Variants in SMC4 observed in about 807,000 individuals in gnomAD.
SMC4 encodes structural maintenance of chromosomes 4.
SMC4 carries 87 observed loss-of-function variants against 145.6 expected under a neutral mutation model. The observed-to-expected ratio is 0.60, with a 90% CI of 0.50 to 0.71. The LOEUF (loss-of-function observed/expected upper bound fraction) is 0.71, where lower values mean the gene tolerates loss of function less well. Among genes scored for constraint, SMC4 ranks in the 30% least tolerant of loss-of-function variants. The pLI is 0.00. For synonymous variants in SMC4, 558 were observed against 500.7 expected, an observed-to-expected ratio of 1.11 and a Z score of -1.53; for missense variants, 1,447 against 1,537.1, an observed-to-expected ratio of 0.94 and a Z score of 0.98.
At chr3:160,400,434 T>G (rs939199430) in intron 1 of SMC4, 1 of 158,274 alleles carries the variant, frequency 6.3e-6, no homozygotes, top group Non-Finnish European at 1.4e-5. Context: ...CTTGCATCCC[T>G]GGCCCCGAAA....
At chr3:160,433,578 C>T in intron 23 of SMC4, 79 bp from the exon 24 acceptor site, 3 of 843,368 alleles carry the variant, frequency 3.6e-6, no homozygotes, top group East Asian at 2.6e-5. Context: ...GTTTATTGTC[C>T]AAAAAATATT....
intron 12 of SMC4, among the ~76,000 whole-genome samples, chr3:160,420,399 T>C (rs1034886169): frequency 6.6e-6 from 1 of 152,236 alleles, no homozygotes; most frequent in Admixed American, 6.5e-5. Flanking sequence ...AGTTGTGTAA[T>C]AGATAAACAG....
At position 160,426,169 on chromosome 3, in the gene SMC4, G is replaced by A. The variant is rs1290112194; in HGVS notation, c.2574G>A (p.Leu858=). Residue 858 remains leucine (L), a synonymous_variant, in exon 17 of 24, where the codon TTG becomes TTA. Coordinates refer to ENST00000357388, the MANE Select transcript of SMC4 (RefSeq NM_001002800.3). ...ATAPDKKKQK[L]LEENVSAFKT... is the part of the protein sequence containing the mutation. The stretch of plus-strand genomic sequence containing the variant: ...CCCCTGACAAAAAAAAGCAGAAATT[G>A]CTAGAAGAAAACGTTAGTGCTTTCA... 6.2e-7 allele frequency: 1 copy of A among 1,609,860 alleles called. No individual in the cohort carries two copies.
In SMC4 at chr3:160,433,851, T is replaced by A; in HGVS notation, c.*42T>A. 1 of 1,491,832 alleles carries A rather than the reference T, an allele frequency of 6.7e-7. No homozygotes were observed. The highest frequency in any genetic ancestry group is 9.1e-7 in the Non-Finnish European group (1 of 1,093,042). 92.4% of individuals were successfully genotyped at this position (1,491,832 alleles called of 1,614,324 possible). A position where few individuals can be genotyped will look rare whatever the true frequency, so the allele number is the denominator to read the frequency against. On this transcript the variant is annotated 3_prime_UTR_variant, in exon 24 of 24. Coordinates refer to ENST00000357388, the MANE Select transcript of SMC4 (RefSeq NM_001002800.3). ...TCTTCAAGTTGATTCAGTGTATTACTGATTTTTTTCTATTTGTAAAGGATT... is the reference window on the plus strand; with the variant it reads ...TCTTCAAGTTGATTCAGTGTATTACAGATTTTTTTCTATTTGTAAAGGATT...
intron 10 of SMC4, 69 bp from the exon 11 acceptor site, chr3:160,417,654 A>G: frequency 8.6e-7 from 1 of 1,164,162 alleles, no homozygotes; most frequent in African/African-American, 1.5e-5. Context: ...TATAAAATGT[A>G]TGGTTTCATT....
chr3:160,411,658 G>T (rs187372962), intron 5 of SMC4: 7 of 259,516 alleles, frequency 2.7e-5, no homozygotes, highest in African/African-American at 1.5e-4. Context: ...GTGTAAGTGG[G>T]TGTATATTAC....
At chr3:160,430,570 A>G in intron 18 of SMC4, 29 bp from the exon 19 acceptor site, 1 of 1,524,998 alleles carries the variant, frequency 6.6e-7, no homozygotes. Flanking sequence ...ACCTTACCAC[A>G]TTTTTGATGC....
At chr3:160,426,613 AT>A (rs199883937) in intron 17 of SMC4, among the ~76,000 whole-genome samples, 6 of 151,816 alleles carry the variant, frequency 4.0e-5, no homozygotes, top group East Asian at 4.0e-4. Context: ...ATATATATGT[AT>A]TTTTTTTCTT....
Position 160,402,028 on chromosome 3 carries a change from A to G in SMC4, c.253A>G (p.Thr85Ala). The G allele has an allele frequency of 6.3e-7, 1 of 1,596,602 alleles. No individual in the cohort carries two copies. The highest frequency in any genetic ancestry group is 8.5e-7 in the Non-Finnish European group (1 of 1,173,262). Residue 85 changes from threonine to alanine, a missense_variant, in exon 3 of 24, where the codon ACT becomes GCT. Physicochemically the swap from Thr to Ala is moderately conservative, Grantham distance 58 (BLOSUM62 0). Transcript: ENST00000357388. ...AGCTGGAGCTCCTCGGCTTATGATA[A>G]CTCATATTGTAAACCAGAACTTCAA... ...NEAGAPRLMI[T>A]HIVNQNFKSY...
chr3:160,424,096 TTACA>T (rs1441852899), intron 15 of SMC4, among the ~76,000 whole-genome samples: 1 of 151,544 alleles, frequency 6.6e-6, no homozygotes, highest in Non-Finnish European at 1.5e-5. Context: ...ATTCCATAAC[TTACA>T]TAATTATTTC....
chr3:160,403,054 A>G (rs571666143), intron 4 of SMC4, among the ~76,000 whole-genome samples, 187 bp downstream of exon 4: 1 of 152,262 alleles, frequency 6.6e-6, no homozygotes, highest in Non-Finnish European at 1.5e-5. Flanking sequence ...TTTTTTAGCT[A>G]AAGAAATGAA....
intron 20 of SMC4, 69 bp from the exon 21 acceptor site, chr3:160,431,570 ATATT>A: frequency 8.6e-7 from 1 of 1,161,366 alleles, no homozygotes; most frequent in Non-Finnish European, 1.2e-6. Flanking sequence ...GTAATTTGTC[ATATT>A]TTTTTTTAAA....
At chr3:160,417,539 TG>T in intron 10 of SMC4, 183 bp from the exon 11 acceptor site, 1 of 588,898 alleles carries the variant, frequency 1.7e-6, no homozygotes. Flanking sequence ...GAAAAGACTA[TG>T]TACAGTGAAT....
At chr3:160,402,538 G>C (rs1046886696) in intron 3 of SMC4, 138 bp from the exon 4 acceptor site, 1 of 797,458 alleles carries the variant, frequency 1.3e-6, no homozygotes, top group African/African-American at 1.8e-5. Flanking sequence ...TCGTATGCCT[G>C]TGATTAGCAA....
chr3:160,401,080 G>C (rs897292474), intron 2 of SMC4, 115 bp downstream of exon 2: 18 of 1,278,658 alleles, frequency 1.4e-5, no homozygotes, highest in East Asian at 9.5e-5. Flanking sequence ...TGAAGGTCCG[G>C]TGTCGGTCCG....
intron 1 of SMC4, chr3:160,400,264 G>C (rs1714392160): frequency 6.6e-6 from 1 of 152,386 alleles, no homozygotes; most frequent in African/African-American, 2.4e-5. Context: ...AGAGGAGGGA[G>C]ACTTCGTTAT....
rs1042960920 is a variant in SMC4 at position 160,425,583 on chromosome 3, C to T, written c.2479-491C>T. The stretch of plus-strand genomic sequence containing the variant: ...TACTTTGTTTTTAATTGCTTTAGAG[C>T]ATTTTGTTTATAACATAATTTGACA... On this transcript the variant is annotated intron_variant, in intron 16 of 23. Coordinates refer to ENST00000357388, the MANE Select transcript of SMC4 (RefSeq NM_001002800.3). 2.6e-5 allele frequency among the ~76,000 whole-genome samples: 4 copies of T among 151,994 alleles called. No homozygotes were observed. In the East Asian group the frequency reaches 7.7e-4, roughly 29 times the overall value.
rs1332520672 is a variant in SMC4, at chr3:160,429,905, CAG to C, written c.2796-693_2796-692del. ...CTAATTTTTGTATTTTTAGTAGAGA[CAG>C]GGTTTCACCATGTTGGTCAGGCTGG... On this transcript the variant is annotated intron_variant, in intron 18 of 23. Coordinates refer to ENST00000357388, the MANE Select transcript of SMC4 (RefSeq NM_001002800.3). 4.0e-5 allele frequency among the ~76,000 whole-genome samples: 6 copies of C among 151,576 alleles called. No homozygotes were observed. The South Asian group carries it at 1.0e-3, about 26-fold the overall frequency.
In SMC4 at chr3:160,424,954, G is replaced by A. The variant is rs1033810366; in HGVS notation, c.2413G>A (p.Val805Ile). 14 of 1,613,834 alleles carry A rather than the reference G, an allele frequency of 8.7e-6. No homozygotes were observed. Among genetic ancestry groups the A allele is most frequent in the Admixed American group, 1.7e-5 (1 of 59,978 alleles). Residue 805 changes from valine (V) to isoleucine (I), a missense_variant, in exon 16 of 24, where the codon GTT (valine) becomes ATT (isoleucine). Coordinates refer to ENST00000357388, the MANE Select transcript of SMC4 (RefSeq NM_001002800.3). Reference protein sequence around the residue: ...EQKVQLEERVVKLRHSEREMR... With the variant: ...EQKVQLEERVIKLRHSEREMR... Reference sequence around the variant, plus strand: ...GAAAGTACAACTTGAAGAAAGAGTAGTTAAGTTACGGCATAGTGAACGAGA... The same window carrying A: ...GAAAGTACAACTTGAAGAAAGAGTAATTAAGTTACGGCATAGTGAACGAGA...
Sources: allele counts gnomAD v4.1 joint callset (sites outside exome capture counted in the v4.1 genomes callset), GRCh38; gene constraint gnomAD v4.1.1; transcripts MANE v1.5; gene names NCBI Gene and HGNC (gene_info 2026-07-23, HGNC 2026-07-21).